OPCML: variants seen among roughly 807,000 people sequenced by gnomAD.
The protein encoded by OPCML is opioid-binding protein/cell adhesion molecule.
OPCML carries 13 observed loss-of-function variants against 37.8 expected under a neutral mutation model. The ratio of observed to expected loss-of-function variants is 0.34; its 90% confidence interval spans 0.22 to 0.55. OPCML has a LOEUF of 0.55. Ranked by LOEUF, OPCML falls within the 20% of genes least tolerant of loss-of-function variation. The pLI, the probability that OPCML is intolerant of heterozygous loss-of-function variation, is 0.91. For missense variants in OPCML, 341 were observed against 435.6 expected, an observed-to-expected ratio of 0.78 and a Z score of 1.93; for synonymous variants, 176 against 168.8, an observed-to-expected ratio of 1.04 and a Z score of -0.33.
intron 2 of OPCML, among the ~76,000 whole-genome samples, chr11:132,796,854 C>A (rs1267115067): frequency 6.6e-6 from 1 of 152,086 alleles, no homozygotes; most frequent in Non-Finnish European, 1.5e-5. Flanking sequence ...GTATCGTATT[C>A]TTTGTTTAAT....
At chr11:133,418,037 T>C in intron 1 of OPCML, 2 of 983,062 alleles carry the variant, frequency 2.0e-6, no homozygotes, top group Non-Finnish European at 1.2e-6. Flanking sequence ...GGGGAGAAGA[T>C]ACAGGGCAGA....
At chr11:133,183,191 G>A (rs1473307591) in intron 1 of OPCML, among the ~76,000 whole-genome samples, 1 of 152,100 alleles carries the variant, frequency 6.6e-6, no homozygotes, top group Admixed American at 6.6e-5. Flanking sequence ...ACACTCTAAG[G>A]AATAAAATCT....
intron 2 of OPCML, among the ~76,000 whole-genome samples, chr11:132,916,416 G>T (rs930837973): frequency 6.6e-6 from 1 of 152,176 alleles, no homozygotes; most frequent in African/African-American, 2.4e-5. Context: ...TTCTACTGTG[G>T]ATGCGCTGGC....
chr11:133,405,030 C>T (rs1309779858), intron 1 of OPCML, among the ~76,000 whole-genome samples: 1 of 152,200 alleles, frequency 6.6e-6, no homozygotes, highest in Non-Finnish European at 1.5e-5. Context: ...TTGAGATCTT[C>T]CGTTTCTTTT....
chr11:132,973,418 T>C (rs1390605623), intron 1 of OPCML, among the ~76,000 whole-genome samples: 1 of 152,230 alleles, frequency 6.6e-6, no homozygotes, highest in African/African-American at 2.4e-5. Context: ...TTGACTCCTG[T>C]ACTTTAACTC....
intron 2 of OPCML, among the ~76,000 whole-genome samples, chr11:132,877,255 T>C (rs772101967): frequency 6.6e-6 from 1 of 152,164 alleles, no homozygotes; most frequent in Non-Finnish European, 1.5e-5. Flanking sequence ...GTCAGCATTT[T>C]TGATGGCAGT....
chr11:132,458,509 A>C (rs1458958921), intron 4 of OPCML, among the ~76,000 whole-genome samples: 1 of 152,370 alleles, frequency 6.6e-6, no homozygotes, highest in East Asian at 1.9e-4. Flanking sequence ...AAGAACAGCA[A>C]TTGTCAAACT....
At chr11:133,421,268 TG>T (rs1945880168) in intron 1 of OPCML, 1 of 985,320 alleles carries the variant, frequency 1.0e-6, no homozygotes, top group East Asian at 1.1e-4. Flanking sequence ...TTGCCAAACG[TG>T]AGTGGAAAGG....
chr11:132,813,058 C>T (rs1939436941), intron 2 of OPCML, among the ~76,000 whole-genome samples: 1 of 152,168 alleles, frequency 6.6e-6, no homozygotes, highest in African/African-American at 2.4e-5. Flanking sequence ...CAATAAAAAT[C>T]AATAAAATAT....
intron 1 of OPCML, among the ~76,000 whole-genome samples, chr11:133,427,899 CTA>C (rs750222766): frequency 1.3e-5 from 2 of 152,160 alleles, no homozygotes; most frequent in Non-Finnish European, 2.9e-5. Context: ...GCCCACACCT[CTA>C]CACACACGAT....
At chr11:132,992,147 A>T (rs1396778118) in intron 1 of OPCML, among the ~76,000 whole-genome samples, 1 of 152,184 alleles carries the variant, frequency 6.6e-6, no homozygotes, top group Non-Finnish European at 1.5e-5. Context: ...AGATAGAAGC[A>T]GAGTTATATA....
At position 132,730,225 on chromosome 11, in the gene OPCML, G is replaced by A. The variant is rs117854187; in HGVS notation, c.147-72906C>T. Among the ~76,000 whole-genome samples, 1,317 of 151,594 alleles carry A rather than the reference G, an allele frequency of 8.7e-3. 10 individuals carry two copies. Among genetic ancestry groups the A allele is most frequent in the South Asian group, 0.017 (81 of 4,774 alleles). On this transcript the variant is annotated intron_variant, in intron 2 of 7. Transcript: ENST00000524381. Reference sequence around the variant, plus strand: ...GAGATTTCTATGCAGCCTAACTAAAGGTGTAACAGGTACCAAATGCAGTTG... The same window carrying A: ...GAGATTTCTATGCAGCCTAACTAAAAGTGTAACAGGTACCAAATGCAGTTG...
intron 1 of OPCML, among the ~76,000 whole-genome samples, chr11:133,119,662 A>G (rs1949391424): frequency 6.6e-6 from 1 of 152,172 alleles, no homozygotes; most frequent in South Asian, 2.1e-4. Flanking sequence ...GGACAATTTC[A>G]AAGTGTAAAA....
chr11:133,282,088 A>C (rs779229805), intron 1 of OPCML, among the ~76,000 whole-genome samples: 21 of 152,216 alleles, frequency 1.4e-4, no homozygotes, highest in Middle Eastern at 3.2e-3. Flanking sequence ...GTAAGTTTGC[A>C]GCCTGGCCCT....
chr11:132,977,023 C>T (rs1327391430), intron 1 of OPCML, among the ~76,000 whole-genome samples: 1 of 152,192 alleles, frequency 6.6e-6, no homozygotes, highest in Non-Finnish European at 1.5e-5. Flanking sequence ...ACATACTTTC[C>T]TCTGCTCCCT....
At chr11:132,696,891 C>T (rs765771007) in intron 2 of OPCML, among the ~76,000 whole-genome samples, 18 of 152,084 alleles carry the variant, frequency 1.2e-4, no homozygotes, top group Non-Finnish European at 1.8e-4. Flanking sequence ...AGGCTGAATA[C>T]CAAACAGGAT....
chr11:132,460,530 G>A (rs2096097728), intron 4 of OPCML, among the ~76,000 whole-genome samples: 1 of 152,170 alleles, frequency 6.6e-6, no homozygotes. Context: ...CAACAGGGCA[G>A]GAGGAAGATG....
rs142810676 is a variant in OPCML, at chr11:132,478,226, C to A, written c.506-40867G>T. Reference sequence around the variant, plus strand: ...AATTGTTCTAAGTTTAAACTGTGTTCTTCCATAATTTACATACATTTTCTA... The same window carrying A: ...AATTGTTCTAAGTTTAAACTGTGTTATTCCATAATTTACATACATTTTCTA... On this transcript the variant is annotated intron_variant, in intron 4 of 7. Transcript: ENST00000524381. Among the ~76,000 whole-genome samples, 1,412 of 152,278 alleles carry A rather than the reference C, an allele frequency of 9.3e-3. 22 individuals are homozygous for A. The highest frequency in any genetic ancestry group is 0.033 in the African/African-American group (1,358 of 41,546).
intron 1 of OPCML, among the ~76,000 whole-genome samples, chr11:133,276,445 T>A (rs1341509565): frequency 6.6e-6 from 1 of 152,102 alleles, no homozygotes; most frequent in Non-Finnish European, 1.5e-5. Flanking sequence ...GGGTGAGGTT[T>A]GCAACAGCCA....
Sources: gnomAD v4.1 joint callset for allele counts (sites outside exome capture counted in the v4.1 genomes callset) on GRCh38, gnomAD v4.1.1 for gene constraint, MANE v1.5 for transcripts, NCBI Gene and HGNC (gene_info 2026-07-23, HGNC 2026-07-21) for gene names.